MAGED1: variants seen among roughly 807,000 people sequenced by gnomAD.
The protein encoded by MAGED1 is MAGE family member D1, also known as melanoma-associated antigen D1.
In MAGED1, 3 loss-of-function variants were observed where a neutral mutation model predicts 54.1. That is an observed-to-expected ratio of 0.06 (90% CI 0.03 to 0.14). The LOEUF (loss-of-function observed/expected upper bound fraction) is 0.14, where lower values mean the gene tolerates loss of function less well. Ranked by LOEUF, MAGED1 falls within the 10% of genes least tolerant of loss-of-function variation. The pLI, the probability that MAGED1 is intolerant of heterozygous loss-of-function variation, is 1.00. For missense variants in MAGED1, 485 were observed against 623.4 expected (o/e 0.78, Z 2.36); for synonymous variants, 217 against 227.3 (o/e 0.95, Z 0.41).
chrX:51,894,166 A>G, intron 1 of MAGED1, 103 bp from the exon 2 acceptor site: 1 of 484,881 alleles, frequency 2.1e-6, no homozygotes, highest in Admixed American at 3.2e-5. Flanking sequence ...TCCTCCTCAC[A>G]TTCACCTTAT....
Position 51,821,289 on chromosome X carries a change from C to G in MAGED1, c.-37+18172C>G, listed in dbSNP as rs781809108. Among the ~76,000 whole-genome samples the G allele has an allele frequency of 9.0e-5, 10 of 110,955 alleles. 1 individual carries two copies. In the East Asian group the frequency reaches 2.8e-3, roughly 31 times the overall value. On this transcript the variant is annotated intron_variant, in intron 1 of 12. Transcript: ENST00000375772. ...TCATTGTGTTTTCTTTTAAAATTGC[C>G]CTTGTTAGAATCTTCAGTACATTGT...
upstream of MAGED1, among the ~76,000 whole-genome samples, chrX:51,889,831 A>G (rs1928375286): frequency 9.0e-6 from 1 of 110,771 alleles, no homozygotes; most frequent in Non-Finnish European, 1.9e-5. Context: ...CCTTTGAAAC[A>G]AAGTGTTAGG....
At chrX:51,894,554 A>T in intron 2 of MAGED1, 1 of 948,837 alleles carries the variant, frequency 1.1e-6, no homozygotes, top group Admixed American at 2.9e-5. Context: ...GAGAGGGGAG[A>T]CCCTGTTAGT....
chrX:51,830,630 T>G (rs1926029000), intron 1 of MAGED1, among the ~76,000 whole-genome samples: 1 of 109,174 alleles, frequency 9.2e-6, no homozygotes, highest in African/African-American at 3.3e-5. Context: ...TGGTAAAAAC[T>G]CAAATAGATT....
intron 1 of MAGED1, among the ~76,000 whole-genome samples, chrX:51,858,819 C>T (rs1378675955): frequency 2.7e-5 from 3 of 111,693 alleles, no homozygotes; most frequent in Non-Finnish European, 5.6e-5. Flanking sequence ...GCATGATTTT[C>T]TCCCCAGATG....
At chrX:51,804,938 C>G (rs781890534) in intron 1 of MAGED1, among the ~76,000 whole-genome samples, 3 of 111,730 alleles carry the variant, frequency 2.7e-5, no homozygotes, top group Non-Finnish European at 5.6e-5. Flanking sequence ...CGGCCACCTT[C>G]CCATTCCCCT....
At chrX:51,867,278 A>G (rs782421020) in intron 1 of MAGED1, among the ~76,000 whole-genome samples, 28 of 112,165 alleles carry the variant, frequency 2.5e-4, no homozygotes, top group African/African-American at 7.8e-4. Flanking sequence ...GCCTAAGCCA[A>G]GCTGTATTAG....
chrX:51,811,523 C>G (rs1925219103), intron 1 of MAGED1, among the ~76,000 whole-genome samples: 1 of 111,315 alleles, frequency 9.0e-6, no homozygotes, highest in African/African-American at 3.3e-5. Flanking sequence ...TAGGAAGGAA[C>G]CACATCTCAT....
At position 51,893,647 on chromosome X, in the gene MAGED1, C is replaced by A. The variant is rs782294953; in HGVS notation, c.-145C>A. 4 of 113,524 alleles carry A rather than the reference C, an allele frequency of 3.5e-5. No individual in the cohort carries two copies. The highest frequency in any genetic ancestry group is 1.3e-4 in the African/African-American group (4 of 31,159). 9.4% of individuals were successfully genotyped at this position (113,524 alleles called of 1,213,427 possible). ...CAAGCTGCCGCGCTGGCATTTTCTC[C>A]TGGACAAGGAGAGAGTGCGGCTGCT... On this transcript the variant is annotated 5_prime_UTR_variant, in exon 1 of 13. The change creates a new upstream start codon in the 5' untranslated region. Coordinates refer to ENST00000326587, the MANE Select transcript of MAGED1 (RefSeq NM_006986.4).
chrX:51,833,981 T>C (rs1169495273), intron 1 of MAGED1, among the ~76,000 whole-genome samples: 2 of 111,738 alleles, frequency 1.8e-5, no homozygotes, highest in Non-Finnish European at 3.8e-5. Flanking sequence ...CTTATATAAA[T>C]ATCACTTGAA....
At chrX:51,862,683 A>G (rs782308407) in intron 1 of MAGED1, among the ~76,000 whole-genome samples, 17 of 111,814 alleles carry the variant, frequency 1.5e-4, no homozygotes, top group African/African-American at 5.5e-4. Flanking sequence ...TTCTGCGTCA[A>G]AAACTGATTT....
chrX:51,901,541 T>C lies in MAGED1; in HGVS notation c.1960-12T>C, dbSNP rs782239409. ...AAATGGATTTTGTTTTGTTTTCTAT[T>C]CCTCATCTCAGGTTCAGAAAAGAGA... On this transcript the variant is annotated splice_polypyrimidine_tract_variant and intron_variant, in intron 11 of 12. Coordinates refer to ENST00000326587, the MANE Select transcript of MAGED1 (RefSeq NM_006986.4). The C allele has an allele frequency of 1.8e-6, 2 of 1,141,694 alleles. No individual in the cohort carries two copies. The highest frequency in any genetic ancestry group is 2.3e-6 in the Non-Finnish European group (2 of 861,940). The allele number at this position is 1,141,694 out of a possible 1,213,427, so 94.1% of individuals were successfully genotyped here.
At chrX:51,831,153 G>A (rs782196007) in intron 1 of MAGED1, among the ~76,000 whole-genome samples, 1 of 112,016 alleles carries the variant, frequency 8.9e-6, no homozygotes, top group South Asian at 3.7e-4. Context: ...CACTGCACCC[G>A]GCCTTCTTGG....
At chrX:51,815,392 C>G (rs139667086) in intron 1 of MAGED1, among the ~76,000 whole-genome samples, 127 of 110,686 alleles carry the variant, frequency 1.1e-3, no homozygotes, top group Admixed American at 2.6e-3. Context: ...TATTGGTGAT[C>G]CTGACTGTGT....
At chrX:51,874,077 C>T (rs1204367327) in intron 1 of MAGED1, among the ~76,000 whole-genome samples, 7 of 110,791 alleles carry the variant, frequency 6.3e-5, no homozygotes, top group African/African-American at 2.0e-4. Flanking sequence ...TGAAGATTTG[C>T]GAGAGGGAGT....
chrX:51,830,816 C>G (rs1012679366), intron 1 of MAGED1, among the ~76,000 whole-genome samples: 8 of 111,749 alleles, frequency 7.2e-5, no homozygotes, highest in Non-Finnish European at 1.5e-4. Context: ...ACTGATACAG[C>G]TATTTGTAAT....
At chrX:51,850,216 C>T (rs1175427049) in intron 1 of MAGED1, among the ~76,000 whole-genome samples, 2 of 111,770 alleles carry the variant, frequency 1.8e-5, no homozygotes, top group African/African-American at 3.3e-5. Context: ...GCACTGCGCC[C>T]GGCCTGAAAC....
upstream of MAGED1, among the ~76,000 whole-genome samples, chrX:51,891,166 TAAAA>T (rs1347629258): frequency 8.9e-6 from 1 of 112,187 alleles, no homozygotes; most frequent in Non-Finnish European, 1.9e-5. Flanking sequence ...TTTGTAAAAA[TAAAA>T]AACAACTTTT....
At chrX:51,854,703 G>C (rs1226118520) in intron 1 of MAGED1, among the ~76,000 whole-genome samples, 2 of 111,793 alleles carry the variant, frequency 1.8e-5, no homozygotes, top group Non-Finnish European at 3.8e-5. Context: ...TGAAGTGTTT[G>C]TGTTTGGTGC....
Sources: allele counts gnomAD v4.1 joint callset (sites outside exome capture counted in the v4.1 genomes callset), GRCh38; gene constraint gnomAD v4.1.1; transcripts MANE v1.5; gene names NCBI Gene and HGNC (gene_info 2026-07-23, HGNC 2026-07-21).